The following COPG1 variants were observed in gnomAD, a reference collection of about 807,000 sequenced individuals.
The protein encoded by COPG1 is coat protein complex I subunit gamma 1.
COPG1 carries 29 observed loss-of-function variants against 102.8 expected under a neutral mutation model. The ratio of observed to expected loss-of-function variants is 0.28; its 90% CI spans 0.21 to 0.38. The LOEUF (loss-of-function observed/expected upper bound fraction) is 0.38. COPG1 is among the 10% of genes least tolerant of loss of function. The pLI is 1.00. For synonymous variants in COPG1, 406 were observed against 421.6 expected, an observed-to-expected ratio of 0.96 and a Z score of 0.45; for missense variants, 875 against 1,132.7, an observed-to-expected ratio of 0.77 and a Z score of 3.27.
intron 8 of COPG1, 70 bp downstream of exon 8, chr3:129,256,224 G>A: frequency 1.5e-6 from 2 of 1,303,610 alleles, no homozygotes; most frequent in Non-Finnish European, 2.2e-6. Context: ...CAGTTGGCAT[G>A]GACACTTGCC....
chr3:129,260,070 A>T (rs997968611), intron 10 of COPG1, among the ~76,000 whole-genome samples: 2 of 152,192 alleles, frequency 1.3e-5, no homozygotes, highest in African/African-American at 4.8e-5. Context: ...AGGCATGTCC[A>T]CTGTATAGCA....
chr3:129,254,647 A>G, intron 5 of COPG1, 21 bp from the exon 6 acceptor site: 2 of 1,608,254 alleles, frequency 1.2e-6, no homozygotes, highest in Non-Finnish European at 1.7e-6. Flanking sequence ...CTGCATGCTG[A>G]CAATGCCTTC....
chr3:129,255,137 G>C (rs1939780694), intron 7 of COPG1, 60 bp downstream of exon 7: 1 of 1,075,182 alleles, frequency 9.3e-7, no homozygotes. Context: ...GAAAATTTAA[G>C]AGTCACATTC....
intron 15 of COPG1, 83 bp from the exon 16 acceptor site, chr3:129,267,854 C>A: frequency 4.7e-6 from 5 of 1,069,470 alleles, no homozygotes; most frequent in South Asian, 1.3e-5. Flanking sequence ...TCCCTATGGA[C>A]TTACCTCTAA....
Position 129,275,531 on chromosome 3 carries a change from C to T in COPG1, c.2494+239C>T, listed in dbSNP as rs528673997. ...TACAAACAATACTTGTATAACCTTG[C>T]GGTTATTTTATGGCTATAAAAGCTA... On this transcript the variant is annotated intron_variant, in intron 23 of 23. Coordinates refer to ENST00000314797, the MANE Select transcript of COPG1 (RefSeq NM_016128.4). This position sits in a 1 kb window ranked among gnomAD's most constrained non-coding sequence, Gnocchi z 5.0. Among the ~76,000 whole-genome samples, 28 of 152,242 alleles carry T rather than the reference C, an allele frequency of 1.8e-4. No individual in the cohort carries two copies. Among genetic ancestry groups the T allele is most frequent in the South Asian group, 4.1e-4 (2 of 4,820 alleles).
chr3:129,250,890 A>T, intron 2 of COPG1, 156 bp downstream of exon 2: 1 of 412,814 alleles, frequency 2.4e-6, no homozygotes, highest in Non-Finnish European at 4.8e-6. Context: ...TTGTTTCTGG[A>T]GAGAGTTAGT....
rs764263230 is a variant in COPG1 at position 129,252,630 on chromosome 3, A to T, written c.179A>T (p.His60Leu). 45 of 1,613,716 alleles carry T rather than the reference A, an allele frequency of 2.8e-5. No individual in the cohort carries two copies. In the Middle Eastern group the frequency reaches 6.6e-4, roughly 24 times the overall value. The change falls in exon 4 of 24, where the codon CAC becomes CTC. Residue 60 changes from histidine to leucine, a missense_variant. Coordinates refer to ENST00000314797, the MANE Select transcript of COPG1 (RefSeq NM_016128.4). ...KILYLINQGE[H>L]LGTTEATEAF... Reference sequence around the variant, plus strand: ...CTTTCTTGATTAACACAGGGGGAGCACCTGGGGACCACGGAAGCGACCGAG... The same window carrying T: ...CTTTCTTGATTAACACAGGGGGAGCTCCTGGGGACCACGGAAGCGACCGAG...
At chr3:129,254,924 A>C in intron 6 of COPG1, 61 bp from the exon 7 acceptor site, 1 of 1,414,612 alleles carries the variant, frequency 7.1e-7, no homozygotes, top group Non-Finnish European at 1.0e-6. Context: ...CCATTCCTGC[A>C]CTCCTGAGAG....
intron 19 of COPG1, 98 bp from the exon 20 acceptor site, chr3:129,272,146 C>A: frequency 8.2e-7 from 1 of 1,216,974 alleles, no homozygotes; most frequent in Admixed American, 2.0e-5. Flanking sequence ...TGGGAATCAC[C>A]TTGGTCAATA....
intron 1 of COPG1, 114 bp downstream of exon 1, chr3:129,249,860 G>A (rs1406932692): frequency 1.7e-6 from 2 of 1,152,686 alleles, no homozygotes; most frequent in Non-Finnish European, 2.5e-6. Flanking sequence ...AGGGGCTTGT[G>A]CCAGGGTCCA....
rs59294610 is a variant in COPG1 at position 129,275,971 on chromosome 3, TACACAC to T, written c.2494+701_2494+706del. Among the ~76,000 whole-genome samples the T allele has an allele frequency of 0.087, 12,931 of 149,362 alleles. 1,492 individuals carry two copies. The highest frequency in any genetic ancestry group is 0.26 in the African/African-American group (10,719 of 41,110). ...ACAGATGTTACAGTAAATAATCGTG[TACACAC>T]ACACACACACACACACACACAGTTT... is the stretch of plus-strand genomic sequence containing the variant. On this transcript the variant is annotated intron_variant, in intron 23 of 23. Transcript: ENST00000314797. This position sits in a 1 kb window ranked among gnomAD's most constrained non-coding sequence, Gnocchi z 5.0.
At chr3:129,259,026 GA>G (rs1339530886) in intron 10 of COPG1, among the ~76,000 whole-genome samples, 3 of 152,234 alleles carry the variant, frequency 2.0e-5, no homozygotes, top group Non-Finnish European at 4.4e-5. Context: ...GTTGTGGCAG[GA>G]GAGTTAGATT....
chr3:129,271,677 C>T lies in COPG1; in HGVS notation c.1844-90C>T, dbSNP rs1940183643. 3 of 1,529,348 alleles carry T rather than the reference C, an allele frequency of 2.0e-6. No homozygotes were observed. The Admixed American group carries it at 5.3e-5, about 27-fold the overall frequency. The allele number at this position is 1,529,348 out of a possible 1,614,324, so 94.7% of individuals were successfully genotyped here. On this transcript the variant is annotated intron_variant, in intron 18 of 23. Coordinates refer to ENST00000314797, the MANE Select transcript of COPG1 (RefSeq NM_016128.4). The surrounding 1 kb of genome is among the most constrained non-coding windows in gnomAD (Gnocchi z 4.7). ...ATCCATCTAAGGTAGGGTGGAACAC[C>T]TTGAGAATGGTCATGGGAATTTATT... is the stretch of plus-strand genomic sequence containing the variant.
At chr3:129,259,664 A>T (rs1340658885) in intron 10 of COPG1, among the ~76,000 whole-genome samples, 1 of 152,162 alleles carries the variant, frequency 6.6e-6, no homozygotes, top group African/African-American at 2.4e-5. Context: ...AGGAACATAG[A>T]TATTCCAGAA....
At position 129,268,148 on chromosome 3, in the gene COPG1, C is replaced by G. The variant is rs1035352667; in HGVS notation, c.1648+108C>G. On this transcript the variant is annotated intron_variant, in intron 16 of 23. Coordinates refer to ENST00000314797, the MANE Select transcript of COPG1 (RefSeq NM_016128.4). ...GGCAAGATGCTCTTGGCTGGACTTG[C>G]CTGGCAACCTCATGGCATCATGGTG... 5 of 936,536 alleles carry G rather than the reference C, an allele frequency of 5.3e-6. No homozygotes were observed. The African/African-American group carries it at 6.5e-5, about 12-fold the overall frequency. 58.0% of individuals were successfully genotyped at this position (936,536 alleles called of 1,614,324 possible).
chr3:129,258,085 C>T (rs567520172), intron 10 of COPG1, among the ~76,000 whole-genome samples: 43 of 152,338 alleles, frequency 2.8e-4, no homozygotes, highest in African/African-American at 9.6e-4. Flanking sequence ...TGAGGTAAGG[C>T]TCGGGTCCAC....
intron 17 of COPG1, 103 bp downstream of exon 17, chr3:129,268,723 T>C (rs566699525): frequency 3.6e-6 from 5 of 1,384,784 alleles, no homozygotes; most frequent in Middle Eastern, 2.0e-4. Flanking sequence ...GTGGCAGTTA[T>C]GCTGGGAGGA....
chr3:129,258,283 C>T (rs986213670), intron 10 of COPG1, among the ~76,000 whole-genome samples: 1 of 152,206 alleles, frequency 6.6e-6, no homozygotes, highest in Non-Finnish European at 1.5e-5. Context: ...CCTGGCTCTG[C>T]CCCTTACCAA....
chr3:129,255,184 T>TG (rs1164145645), intron 7 of COPG1, 107 bp downstream of exon 7: 1 of 746,338 alleles, frequency 1.3e-6, no homozygotes, highest in African/African-American at 1.8e-5. Flanking sequence ...TCTTTCTTTT[T>TG]TTTTTTTTGA....
Sources: gnomAD v4.1 joint callset for allele counts (sites outside exome capture counted in the v4.1 genomes callset) on GRCh38, gnomAD v4.1.1 for gene constraint, Gnocchi (gnomAD v3.1) non-coding constraint, MANE v1.5 for transcripts, NCBI Gene and HGNC (gene_info 2026-07-23, HGNC 2026-07-21) for gene names.